The following MMP17 variants were observed in gnomAD, a reference collection of about 807,000 sequenced individuals.
The protein encoded by MMP17 is matrix metalloproteinase-17.
In MMP17, 54 loss-of-function variants were observed where a neutral mutation model predicts 49.1. The ratio of observed to expected loss-of-function variants is 1.10; its 90% CI spans 0.88 to 1.38. The LOEUF is 1.38. Among genes scored for constraint, MMP17 ranks in the 40% most tolerant of loss-of-function variants. The pLI is 0.00. For missense variants in MMP17, 837 were observed against 853.7 expected, an observed-to-expected ratio of 0.98 and a Z score of 0.24; for synonymous variants, 397 against 383.1, an observed-to-expected ratio of 1.04 and a Z score of -0.42.
Position 131,845,282 on chromosome 12 carries a change from C to A in MMP17, c.1052-15C>A, listed in dbSNP as rs145104094. 4.2e-3 allele frequency: 6,699 copies of A among 1,611,380 alleles called. 24 individuals carry two copies. The highest frequency in any genetic ancestry group is 0.011 in the Middle Eastern group (64 of 6,056). Reference sequence around the variant, plus strand: ...GACCGTCTCTGCAGCCCGGCCCTCCCCTCTGTGCCCCCAGGCAAGTACTTC... The same window carrying A: ...GACCGTCTCTGCAGCCCGGCCCTCCACTCTGTGCCCCCAGGCAAGTACTTC... On this transcript the variant is annotated splice_polypyrimidine_tract_variant and intron_variant, in intron 7 of 9. Coordinates refer to ENST00000360564, the MANE Select transcript of MMP17 (RefSeq NM_016155.7).
Position 131,851,525 on chromosome 12 carries a change from G to A in MMP17, c.*251G>A, listed in dbSNP as rs1483126500. ...GGTGGCCGCTCCAGAAGGGTGCCCA[G>A]TCAGGCCGCACCGCCGCCAGCCTCC... is the stretch of plus-strand genomic sequence containing the variant. On this transcript the variant is annotated 3_prime_UTR_variant, in exon 10 of 10. Coordinates refer to ENST00000360564, the MANE Select transcript of MMP17 (RefSeq NM_016155.7). The A allele has an allele frequency of 1.5e-5, 6 of 394,868 alleles. No homozygotes were observed. The highest frequency in any genetic ancestry group is 6.2e-5 in the African/African-American group (3 of 48,532). The allele number at this position is 394,868 out of a possible 1,614,324, so 24.5% of individuals were successfully genotyped here.
intron 9 of MMP17, 59 bp from the exon 10 acceptor site, chr12:131,850,866 G>T (rs768101142): frequency 2.3e-6 from 3 of 1,324,384 alleles, no homozygotes; most frequent in Middle Eastern, 3.9e-4. Flanking sequence ...CTCGCTGTCC[G>T]GCTCGAGCCC....
chr12:131,830,024 G>A (rs935343118), intron 1 of MMP17, among the ~76,000 whole-genome samples: 1 of 152,242 alleles, frequency 6.6e-6, no homozygotes, highest in Non-Finnish European at 1.5e-5. Context: ...CGCCCTGGGG[G>A]CCTGGGGTCT....
At chr12:131,830,870 C>T (rs1886758183) in intron 1 of MMP17, among the ~76,000 whole-genome samples, 1 of 152,042 alleles carries the variant, frequency 6.6e-6, no homozygotes, top group African/African-American at 2.4e-5. Context: ...GCGCACTGTC[C>T]CCCCGGGGGT....
rs1887978021 is a variant in MMP17 at position 131,851,610 on chromosome 12, C to G, written c.*336C>G. 2.1e-5 allele frequency: 6 copies of G among 283,306 alleles called. No individual in the cohort carries two copies. The highest frequency in any genetic ancestry group is 3.3e-5 in the Non-Finnish European group (5 of 151,574). The allele number at this position is 283,306 out of a possible 1,614,324, so 17.5% of individuals were successfully genotyped here. On this transcript the variant is annotated 3_prime_UTR_variant, in exon 10 of 10. Transcript: ENST00000360564. The stretch of plus-strand genomic sequence containing the variant: ...CCACCCCTCTCTGTGCCGGCGCCAC[C>G]AACCCCACCCACACTGCTGCCTGGT...
intron 1 of MMP17, among the ~76,000 whole-genome samples, chr12:131,830,682 C>T (rs964476522): frequency 2.6e-5 from 4 of 152,192 alleles, no homozygotes; most frequent in African/African-American, 9.6e-5. Flanking sequence ...GCGCCAGGGA[C>T]GAGAAGTGCT....
At position 131,828,409 on chromosome 12, in the gene MMP17, C is replaced by CGCGGAGA. The variant is rs1886614560; in HGVS notation, c.-79_-73dup. On this transcript the variant is annotated 5_prime_UTR_variant, in exon 1 of 10. Transcript: ENST00000360564. ...GCGGGGCTCAGTCCGGCGGGGGCGC[C>CGCGGAGA]GCGGAGAGCGGAGGGCGCCGGGCTG... 1.2e-5 allele frequency: 10 copies of CGCGGAGA among 805,752 alleles called. No individual in the cohort carries two copies. Among genetic ancestry groups the CGCGGAGA allele is most frequent in the Non-Finnish European group, 1.5e-5 (10 of 665,736 alleles). The allele number at this position is 805,752 out of a possible 1,614,324, so 49.9% of individuals were successfully genotyped here.
intron 1 of MMP17, among the ~76,000 whole-genome samples, chr12:131,835,781 G>A (rs951971327): frequency 2.0e-5 from 3 of 152,188 alleles, no homozygotes. Flanking sequence ...TGGAGGAGGT[G>A]ACAGGCTATT....
intron 1 of MMP17, 149 bp from the exon 2 acceptor site, chr12:131,838,046 C>A: frequency 1.0e-6 from 1 of 1,002,276 alleles, no homozygotes; most frequent in Middle Eastern, 3.5e-4. Flanking sequence ...TTTCCGGCAG[C>A]TGCCCAGGGA....
At chr12:131,847,067 G>A (rs1030660433) in intron 8 of MMP17, among the ~76,000 whole-genome samples, 6 of 150,318 alleles carry the variant, frequency 4.0e-5, no homozygotes, top group African/African-American at 7.3e-5. Flanking sequence ...CACCATGATC[G>A]TGCACTGCAC....
At chr12:131,848,985 G>T (rs1010322381) in intron 8 of MMP17, among the ~76,000 whole-genome samples, 1 of 152,206 alleles carries the variant, frequency 6.6e-6, no homozygotes, top group Non-Finnish European at 1.5e-5. Flanking sequence ...GGGAGCCTAT[G>T]TTCTGTCTCC....
Position 131,828,606 on chromosome 12 carries a change from G to C in MMP17, c.112G>C (p.Ala38Pro), listed in dbSNP as rs1475082936. The change falls in exon 1 of 10, where the codon GCC (alanine) becomes CCC (proline). Residue 38 changes from alanine (A) to proline (P), a missense_variant. Transcript: ENST00000360564. ...LLALGTRGGC[A>P]APAPAPRAED... The stretch of plus-strand genomic sequence containing the variant: ...GGCGCTGGGGACCCGCGGGGGCTGC[G>C]CCGCGCCCGCACCCGCGCCGCGCGC... 2 of 889,612 alleles carry C rather than the reference G, an allele frequency of 2.2e-6. No homozygotes were observed. Among genetic ancestry groups the C allele is most frequent in the East Asian group, 1.4e-4 (2 of 13,964 alleles). The allele number at this position is 889,612 out of a possible 1,614,324, so 55.1% of individuals were successfully genotyped here.
chr12:131,839,950 AAAAAAT>A (rs1887298149), intron 3 of MMP17: 1 of 152,170 alleles, frequency 6.6e-6, no homozygotes, highest in Non-Finnish European at 1.5e-5. Flanking sequence ...TCTGTCTGAA[AAAAAAT>A]AAAAATAAAA....
At chr12:131,847,986 C>T (rs1412346122) in intron 8 of MMP17, among the ~76,000 whole-genome samples, 1 of 152,250 alleles carries the variant, frequency 6.6e-6, no homozygotes, top group Non-Finnish European at 1.5e-5. Context: ...CTCCCATCAT[C>T]TCCTTAATCC....
chr12:131,831,650 C>A (rs1294234818), intron 1 of MMP17, among the ~76,000 whole-genome samples: 1 of 151,172 alleles, frequency 6.6e-6, no homozygotes, highest in Non-Finnish European at 1.5e-5. Flanking sequence ...CTTCTGACAG[C>A]CGTCTTCATG....
rs1311084342 is a variant in MMP17, at chr12:131,834,054, T to G, written c.160-4141T>G. On this transcript the variant is annotated intron_variant, in intron 1 of 9. Coordinates refer to ENST00000360564, the MANE Select transcript of MMP17 (RefSeq NM_016155.7). ...TCCAGAGTGGGCCTGGGCAGCTGCCTGCATCTGCGTCAGAGTCAGGGGCTG... is the reference window on the plus strand; with the variant it reads ...TCCAGAGTGGGCCTGGGCAGCTGCCGGCATCTGCGTCAGAGTCAGGGGCTG... 2.0e-5 allele frequency among the ~76,000 whole-genome samples: 3 copies of G among 152,380 alleles called. No individual in the cohort carries two copies. In the East Asian group the frequency reaches 5.8e-4, roughly 29 times the overall value.
intron 1 of MMP17, among the ~76,000 whole-genome samples, chr12:131,836,234 A>AAC (rs1345783341): frequency 6.6e-6 from 1 of 152,118 alleles, no homozygotes; most frequent in African/African-American, 2.4e-5. Flanking sequence ...TGCTTCCTGG[A>AAC]AGGGGGATCT....
At chr12:131,845,487 G>A (rs766552267) in intron 8 of MMP17, 38 bp downstream of exon 8, 108 of 1,530,210 alleles carry the variant, frequency 7.1e-5, no homozygotes, top group Non-Finnish European at 9.0e-5. Flanking sequence ...GGCTTCCCGG[G>A]CCCTCTGTCC....
At chr12:131,829,441 C>G (rs570709629) in intron 1 of MMP17, among the ~76,000 whole-genome samples, 3 of 152,228 alleles carry the variant, frequency 2.0e-5, no homozygotes, top group African/African-American at 7.2e-5. Context: ...TTAGAGCACA[C>G]GTCGTGGGGT....
Sources: gnomAD v4.1 joint callset for allele counts (sites outside exome capture counted in the v4.1 genomes callset) on GRCh38, gnomAD v4.1.1 for gene constraint, MANE v1.5 for transcripts, NCBI Gene and HGNC (gene_info 2026-07-23, HGNC 2026-07-21) for gene names.